Variants in CFAP144 observed in about 807,000 individuals in gnomAD.
The protein encoded by CFAP144 is cilia and flagella associated protein 144.
At chr1:43,153,044 T>C in the CFAP144 span, 2 of 1,354,068 alleles carry the variant, frequency 1.5e-6, no homozygotes, top group Non-Finnish European at 2.0e-6. Flanking sequence ...TGGCTACCTC[T>C]TACCAGCTGG....
the CFAP144 span, among the ~76,000 whole-genome samples, chr1:43,154,391 CACATATAT>C: frequency 3.5e-5 from 3 of 84,658 alleles, no homozygotes; most frequent in Admixed American, 3.8e-4. Flanking sequence ...CATATACACA[CACATATAT>C]GTATACATAT....
At chr1:43,152,935 A>C in the CFAP144 span, 1 of 1,610,086 alleles carries the variant, frequency 6.2e-7, no homozygotes, top group Non-Finnish European at 8.5e-7. Flanking sequence ...GCCCTTGGTA[A>C]GCGTGGCTCC....
At chr1:43,143,094 CCT>C in the CFAP144 span, among the ~76,000 whole-genome samples, 1 of 152,144 alleles carries the variant, frequency 6.6e-6, no homozygotes, top group African/African-American at 2.4e-5. Flanking sequence ...GTTTTTCAAT[CCT>C]CTCTCTCCTC....
At chr1:43,151,139 G>A in the CFAP144 span, among the ~76,000 whole-genome samples, 3 of 152,252 alleles carry the variant, frequency 2.0e-5, no homozygotes, top group African/African-American at 4.8e-5. Flanking sequence ...GATGTTATAA[G>A]CACAAGTTCT....
chr1:43,143,066 T>C, the CFAP144 span, among the ~76,000 whole-genome samples: 1 of 152,082 alleles, frequency 6.6e-6, no homozygotes, highest in Admixed American at 6.6e-5. Flanking sequence ...AGCTAATAAG[T>C]ATAGTACACC....
chr1:43,148,914 C>G, the CFAP144 span, among the ~76,000 whole-genome samples: 1 of 152,134 alleles, frequency 6.6e-6, no homozygotes, highest in Non-Finnish European at 1.5e-5. Context: ...GTGAAAGACA[C>G]CATCATGCAT....
At chr1:43,156,081 C>G in the CFAP144 span, 46 of 757,490 alleles carry the variant, frequency 6.1e-5, no homozygotes, top group South Asian at 3.5e-4. Flanking sequence ...GTGGTCATCT[C>G]CATTCCGCAA....
chr1:43,150,408 CT>C, the CFAP144 span, among the ~76,000 whole-genome samples: 1 of 152,248 alleles, frequency 6.6e-6, no homozygotes, highest in Non-Finnish European at 1.5e-5. Context: ...AAAATGTTCT[CT>C]GTCTTGGCTG....
chr1:43,150,697 CT>C, the CFAP144 span: 2 of 1,446,412 alleles, frequency 1.4e-6, no homozygotes, highest in East Asian at 2.4e-5. Flanking sequence ...TAAGGTGGAC[CT>C]TAGAGAGGGC....
the CFAP144 span, among the ~76,000 whole-genome samples, chr1:43,144,716 A>G: frequency 6.6e-6 from 1 of 152,060 alleles, no homozygotes; most frequent in African/African-American, 2.4e-5. Context: ...TAAACCGTGC[A>G]TCTGCTGCCA....
At chr1:43,145,366 G>A in the CFAP144 span, 6 of 1,187,846 alleles carry the variant, frequency 5.1e-6, no homozygotes, top group Non-Finnish European at 6.1e-6. Context: ...AGGGCACAAG[G>A]TCCCTGCTGT....
chr1:43,152,773 A>G, the CFAP144 span: 1 of 1,521,848 alleles, frequency 6.6e-7, no homozygotes, highest in Non-Finnish European at 8.9e-7. Context: ...AGGGCACAGG[A>G]CCAACCTCTG....
At chr1:43,150,910 C>T in the CFAP144 span, 1 of 1,080,104 alleles carries the variant, frequency 9.3e-7, no homozygotes, top group South Asian at 1.3e-5. Context: ...TATCTTGGAG[C>T]AAGCATCAGA....
the CFAP144 span, chr1:43,152,651 C>A: frequency 1.7e-6 from 1 of 597,422 alleles, no homozygotes; most frequent in Non-Finnish European, 2.8e-6. Context: ...TTTGAGCTCA[C>A]CACATATTTG....
chr1:43,153,299 G>T, the CFAP144 span, among the ~76,000 whole-genome samples: 1 of 152,110 alleles, frequency 6.6e-6, no homozygotes, highest in Non-Finnish European at 1.5e-5. Context: ...TCTGAGTTCG[G>T]CTTCCTTATC....
At chr1:43,144,817 C>T in the CFAP144 span, among the ~76,000 whole-genome samples, 1 of 152,144 alleles carries the variant, frequency 6.6e-6, no homozygotes, top group Non-Finnish European at 1.5e-5. Flanking sequence ...TGTACTCTAG[C>T]TCCCACTCCC....
At chr1:43,152,802 T>C in the CFAP144 span, 1 of 1,588,174 alleles carries the variant, frequency 6.3e-7, no homozygotes, top group Non-Finnish European at 8.6e-7. Context: ...GCCTGACTCC[T>C]TCATAACTCA....
At chr1:43,143,650 T>A in the CFAP144 span, among the ~76,000 whole-genome samples, 6 of 152,170 alleles carry the variant, frequency 3.9e-5, no homozygotes, top group Non-Finnish European at 8.8e-5. Flanking sequence ...CCAAATCTAG[T>A]CGTTAGGCAC....
the CFAP144 span, among the ~76,000 whole-genome samples, chr1:43,155,132 G>A: frequency 6.6e-6 from 1 of 152,330 alleles, no homozygotes; most frequent in African/African-American, 2.4e-5. Context: ...GGGTTCCTGA[G>A]TAGAGTTCAT....
Sources: allele counts gnomAD v4.1 joint callset (sites outside exome capture counted in the v4.1 genomes callset), GRCh38; gene constraint gnomAD v4.1.1; transcripts MANE v1.5; gene names NCBI Gene and HGNC (gene_info 2026-07-23, HGNC 2026-07-21).